Variants in KCNQ5 observed in about 807,000 individuals in gnomAD.
The protein encoded by KCNQ5 is potassium voltage-gated channel subfamily KQT member 5.
In KCNQ5, 30 loss-of-function variants were observed where a neutral mutation model predicts 98.2. The ratio of observed to expected loss-of-function variants is 0.31; its 90% CI spans 0.23 to 0.41. The LOEUF (loss-of-function observed/expected upper bound fraction) is 0.41. Among genes scored for constraint, KCNQ5 ranks in the 10% least tolerant of loss-of-function variants. The probability of loss-of-function intolerance (pLI) is 1.00; values close to 1 mark genes in which losing one functional copy is unlikely to be tolerated. For synonymous variants in KCNQ5, 458 were observed against 449.4 expected, an observed-to-expected ratio of 1.02 and a Z score of -0.24; for missense variants, 835 against 1,182.5, an observed-to-expected ratio of 0.71 and a Z score of 4.31.
In KCNQ5 at chr6:73,133,485, C is replaced by A; in HGVS notation, c.1312C>A (p.Arg438=). Residue 438 remains arginine (R), a synonymous_variant, in exon 10 of 14, where the codon CGA becomes AGA. Transcript: ENST00000370398. ...CCCCAGGGGCCAGAGTATTAAGAGC[C>A]GACAAGCCTCAGTAGGTGACAGGAG... ...ASPRGQSIKS[R]QASVGDRRSP... 6.2e-7 allele frequency: 1 copy of A among 1,614,138 alleles called. No homozygotes were observed. Among genetic ancestry groups the A allele is most frequent in the Non-Finnish European group, 8.5e-7 (1 of 1,180,034 alleles).
chr6:72,660,353 C>G (rs555223027), intron 1 of KCNQ5, among the ~76,000 whole-genome samples: 41 of 152,206 alleles, frequency 2.7e-4, no homozygotes, highest in African/African-American at 9.9e-4. Flanking sequence ...TTCTAGAGCG[C>G]GGACATGAAA....
chr6:73,060,899 C>T (rs1772749422), intron 3 of KCNQ5, among the ~76,000 whole-genome samples: 1 of 152,216 alleles, frequency 6.6e-6, no homozygotes, highest in Non-Finnish European at 1.5e-5. Context: ...TAGGCACTCA[C>T]ATGCCACAGG....
intron 5 of KCNQ5, among the ~76,000 whole-genome samples, chr6:73,100,034 A>G (rs899587212): frequency 6.6e-6 from 1 of 152,250 alleles, no homozygotes; most frequent in African/African-American, 2.4e-5. Context: ...ATCAGTAACA[A>G]GAGAAAATTT....
At chr6:73,094,686 G>T (rs1477684919) in intron 5 of KCNQ5, among the ~76,000 whole-genome samples, 6 of 152,158 alleles carry the variant, frequency 3.9e-5, no homozygotes, top group African/African-American at 1.4e-4. Context: ...ATGAAGGATA[G>T]TTTTGTTGGA....
At chr6:72,984,855 A>T (rs531439872) in intron 1 of KCNQ5, among the ~76,000 whole-genome samples, 1 of 152,326 alleles carries the variant, frequency 6.6e-6, no homozygotes, top group East Asian at 1.9e-4. Flanking sequence ...ACCAATCCCA[A>T]CAATTTTTTT....
In KCNQ5 at chr6:73,192,489, T is replaced by C. The variant is rs561832247; in HGVS notation, c.1710-76T>C. The stretch of plus-strand genomic sequence containing the variant: ...AAGATAACTGTATTTAATTTTTTTT[T>C]CCAAAACTCTTCATTCTGACCTAGG... On this transcript the variant is annotated intron_variant, in intron 12 of 13. Coordinates refer to ENST00000370398, the MANE Select transcript of KCNQ5 (RefSeq NM_019842.4). 63 of 1,310,896 alleles carry C rather than the reference T, an allele frequency of 4.8e-5. No individual in the cohort carries two copies. In the East Asian group the frequency reaches 9.6e-4, roughly 20 times the overall value. 81.2% of individuals were successfully genotyped at this position (1,310,896 alleles called of 1,614,324 possible).
chr6:73,069,655 G>C, intron 3 of KCNQ5, among the ~76,000 whole-genome samples: 1 of 152,138 alleles, frequency 6.6e-6, no homozygotes, highest in Non-Finnish European at 1.5e-5. Context: ...CAGACCTCTG[G>C]GCACAAGTGG....
chr6:72,709,719 A>C (rs1052043539), intron 1 of KCNQ5, among the ~76,000 whole-genome samples: 9 of 152,222 alleles, frequency 5.9e-5, no homozygotes, highest in Non-Finnish European at 1.3e-4. Context: ...ACTGGTGAGC[A>C]TAACAGACAT....
At chr6:72,871,128 C>T (rs1778187486) in intron 1 of KCNQ5, among the ~76,000 whole-genome samples, 1 of 152,142 alleles carries the variant, frequency 6.6e-6, no homozygotes. Context: ...CTGCCCACTG[C>T]CTCAATATTA....
intron 3 of KCNQ5, among the ~76,000 whole-genome samples, chr6:73,065,297 T>G (rs1772996835): frequency 6.6e-6 from 1 of 152,200 alleles, no homozygotes; most frequent in East Asian, 1.9e-4. Context: ...TTAGACTCCC[T>G]CGTTTGTCTC....
intron 2 of KCNQ5, among the ~76,000 whole-genome samples, chr6:73,031,300 C>T (rs1771130753): frequency 6.6e-6 from 1 of 152,066 alleles, no homozygotes; most frequent in Non-Finnish European, 1.5e-5. Context: ...CAAAATAAGC[C>T]CACACTGTCA....
intron 1 of KCNQ5, among the ~76,000 whole-genome samples, chr6:72,650,662 A>T (rs1481037329): frequency 2.0e-5 from 3 of 152,140 alleles, no homozygotes; most frequent in Non-Finnish European, 4.4e-5. Context: ...GGTAGGATAT[A>T]TGTATATGGA....
chr6:73,162,083 ATT>A (rs57770655), intron 10 of KCNQ5, among the ~76,000 whole-genome samples: 31 of 141,058 alleles, frequency 2.2e-4, no homozygotes, highest in Admixed American at 1.0e-3. Context: ...TGCCCAGCTA[ATT>A]TTTTTTTTTT....
At chr6:72,911,933 G>T (rs1779957509) in intron 1 of KCNQ5, among the ~76,000 whole-genome samples, 1 of 152,122 alleles carries the variant, frequency 6.6e-6, no homozygotes, top group Non-Finnish European at 1.5e-5. Flanking sequence ...GATGGCTTCT[G>T]TGGTCTGGAG....
intron 1 of KCNQ5, among the ~76,000 whole-genome samples, chr6:72,948,174 A>G (rs1305368985): frequency 6.6e-6 from 1 of 152,110 alleles, no homozygotes; most frequent in African/African-American, 2.4e-5. Context: ...AACTTTGATT[A>G]ACAATAGCAC....
At chr6:72,945,065 A>G (rs972962499) in intron 1 of KCNQ5, among the ~76,000 whole-genome samples, 3 of 152,166 alleles carry the variant, frequency 2.0e-5, no homozygotes, top group African/African-American at 7.2e-5. Flanking sequence ...AAATAATTAT[A>G]TTAGTGAAGG....
chr6:73,137,509 C>A (rs1776520518), intron 10 of KCNQ5, among the ~76,000 whole-genome samples: 1 of 152,042 alleles, frequency 6.6e-6, no homozygotes, highest in Non-Finnish European at 1.5e-5. Flanking sequence ...CAGTATGTAA[C>A]CCTCTTCACA....
chr6:72,996,059 A>C (rs1769285071), intron 1 of KCNQ5, among the ~76,000 whole-genome samples: 1 of 152,226 alleles, frequency 6.6e-6, no homozygotes, highest in African/African-American at 2.4e-5. Context: ...TTCCCATTTA[A>C]CTGAAAGCCC....
At chr6:72,931,092 G>C (rs1765674155) in intron 1 of KCNQ5, among the ~76,000 whole-genome samples, 1 of 152,202 alleles carries the variant, frequency 6.6e-6, no homozygotes, top group African/African-American at 2.4e-5. Flanking sequence ...TCTGGTCCTT[G>C]TATAAAAGCA....
Sources: gnomAD v4.1 joint callset for allele counts (sites outside exome capture counted in the v4.1 genomes callset) on GRCh38, gnomAD v4.1.1 for gene constraint, MANE v1.5 for transcripts, NCBI Gene and HGNC (gene_info 2026-07-23, HGNC 2026-07-21) for gene names.